PARD3B: variants seen among roughly 807,000 people sequenced by gnomAD.
The protein encoded by PARD3B is partitioning defective 3 homolog B.
Under a neutral mutation model 130.2 loss-of-function variants are expected in PARD3B, and 103 were observed. The observed-to-expected ratio is 0.79, with a 90% CI of 0.67 to 0.93. PARD3B has a LOEUF of 0.93. PARD3B is among the 40% of genes least tolerant of loss of function. PARD3B has a pLI of 0.00. For missense variants in PARD3B, 1,609 were observed against 1,499.2 expected, an observed-to-expected ratio of 1.07 and a Z score of -1.21; for synonymous variants, 583 against 553.2, an observed-to-expected ratio of 1.05 and a Z score of -0.76.
At chr2:204,603,213 C>CT (rs1490222925) in intron 1 of PARD3B, among the ~76,000 whole-genome samples, 1 of 152,084 alleles carries the variant, frequency 6.6e-6, no homozygotes, top group Non-Finnish European at 1.5e-5. Context: ...TCTTTTATGC[C>CT]TTTTTTACTC....
intron 3 of PARD3B, among the ~76,000 whole-genome samples, chr2:204,970,644 C>T (rs890421265): frequency 1.3e-5 from 2 of 152,034 alleles, no homozygotes; most frequent in African/African-American, 4.8e-5. Context: ...TTCAGTACTT[C>T]TTGATTGAAA....
intron 3 of PARD3B, among the ~76,000 whole-genome samples, chr2:205,018,817 T>G (rs1335082890): frequency 6.7e-6 from 1 of 150,000 alleles, no homozygotes; most frequent in Non-Finnish European, 1.5e-5. Context: ...AATATTTGCT[T>G]GGCCCAATGA....
At chr2:205,372,777 C>G (rs971674388) in intron 18 of PARD3B, among the ~76,000 whole-genome samples, 1 of 152,052 alleles carries the variant, frequency 6.6e-6, no homozygotes, top group Non-Finnish European at 1.5e-5. Context: ...TCCAGTAGTT[C>G]GAGAGCAGCC....
intron 10 of PARD3B, among the ~76,000 whole-genome samples, chr2:205,136,579 G>A (rs1261525511): frequency 1.3e-5 from 2 of 152,172 alleles, no homozygotes; most frequent in Non-Finnish European, 2.9e-5. Flanking sequence ...TGACTTGAAA[G>A]AGCTGGCTTT....
At chr2:205,092,448 A>C (rs1575758898) in intron 4 of PARD3B, among the ~76,000 whole-genome samples, 1 of 152,260 alleles carries the variant, frequency 6.6e-6, no homozygotes, top group East Asian at 1.9e-4. Flanking sequence ...TACTTAAGGA[A>C]GTTCTTGAGC....
At chr2:205,126,208 G>C (rs921190174) in intron 10 of PARD3B, among the ~76,000 whole-genome samples, 3 of 152,272 alleles carry the variant, frequency 2.0e-5, no homozygotes, top group African/African-American at 7.2e-5. Context: ...ACCTATTCTT[G>C]AGGGCTGGGA....
At chr2:205,052,362 C>T (rs1366341677) in intron 4 of PARD3B, among the ~76,000 whole-genome samples, 1 of 148,074 alleles carries the variant, frequency 6.8e-6, no homozygotes. Flanking sequence ...ACTTGTCTTA[C>T]ATCACCAAAA....
At position 204,580,011 on chromosome 2, in the gene PARD3B, C is replaced by T. The variant is rs545401478; in HGVS notation, c.120+33892C>T. On this transcript the variant is annotated intron_variant, in intron 1 of 22. Transcript: ENST00000406610. ...TGTTACAGTGATGTGTGTAATTTGACCTACTGTTCAAAAAGAATTCATTTC... is the reference window on the plus strand; with the variant it reads ...TGTTACAGTGATGTGTGTAATTTGATCTACTGTTCAAAAAGAATTCATTTC... Among the ~76,000 whole-genome samples the T allele has an allele frequency of 9.1e-4, 139 of 152,282 alleles. 1 individual carries two copies. The highest frequency in any genetic ancestry group is 2.9e-3 in the African/African-American group (121 of 41,560).
At chr2:205,066,726 A>G (rs565854483) in intron 4 of PARD3B, among the ~76,000 whole-genome samples, 4 of 152,278 alleles carry the variant, frequency 2.6e-5, no homozygotes, top group African/African-American at 9.6e-5. Context: ...GTAATGAGGA[A>G]ACATGTTTTT....
intron 2 of PARD3B, among the ~76,000 whole-genome samples, chr2:204,871,892 T>C (rs2045643216): frequency 6.6e-6 from 1 of 152,088 alleles, no homozygotes; most frequent in South Asian, 2.1e-4. Flanking sequence ...AGCTTTCTTG[T>C]CCCTTTATTC....
chr2:204,880,657 C>CAAAAAAAAAA (rs746023895), intron 2 of PARD3B, among the ~76,000 whole-genome samples: 5 of 55,444 alleles, frequency 9.0e-5, no homozygotes, highest in African/African-American at 2.2e-4. Context: ...GACTCCATCT[C>CAAAAAAAAAA]AAAAAAAAAA....
At chr2:205,408,624 A>G (rs539891217) in intron 19 of PARD3B, among the ~76,000 whole-genome samples, 1 of 152,302 alleles carries the variant, frequency 6.6e-6, no homozygotes, top group East Asian at 1.9e-4. Context: ...TGTACACTCA[A>G]AAAAGGATGT....
chr2:204,586,470 T>C (rs2032829449), intron 1 of PARD3B, among the ~76,000 whole-genome samples: 1 of 152,234 alleles, frequency 6.6e-6, no homozygotes, highest in Non-Finnish European at 1.5e-5. Flanking sequence ...AGATTAAATG[T>C]TGCCGAAGGC....
intron 19 of PARD3B, among the ~76,000 whole-genome samples, chr2:205,429,837 G>A (rs2047268756): frequency 6.6e-6 from 1 of 152,150 alleles, no homozygotes; most frequent in Non-Finnish European, 1.5e-5. Context: ...CAGCAGAGTT[G>A]CTTCTTTCCA....
chr2:204,851,441 G>T (rs770230078), intron 2 of PARD3B, among the ~76,000 whole-genome samples: 1 of 152,172 alleles, frequency 6.6e-6, no homozygotes, highest in Non-Finnish European at 1.5e-5. Flanking sequence ...TAATCAGCTT[G>T]TTGTCAGAGT....
chr2:204,621,128 A>G (rs1236731413), intron 1 of PARD3B, among the ~76,000 whole-genome samples: 3 of 152,234 alleles, frequency 2.0e-5, no homozygotes, highest in Admixed American at 6.5e-5. Context: ...TTCAATAAAC[A>G]TCTTAGTAGA....
chr2:205,179,032 A>T (rs2125769621), intron 13 of PARD3B, among the ~76,000 whole-genome samples: 1 of 152,302 alleles, frequency 6.6e-6, no homozygotes, highest in Admixed American at 6.5e-5. Context: ...TTCCAGTGGG[A>T]TAAGATATGA....
chr2:204,735,188 A>C (rs1366668877), intron 2 of PARD3B, among the ~76,000 whole-genome samples: 2 of 152,016 alleles, frequency 1.3e-5, no homozygotes, highest in Non-Finnish European at 2.9e-5. Context: ...TTAATTGGAT[A>C]AAGTGCACCT....
At chr2:204,988,129 G>A (rs1693335647) in intron 3 of PARD3B, among the ~76,000 whole-genome samples, 1 of 152,112 alleles carries the variant, frequency 6.6e-6, no homozygotes, top group African/African-American at 2.4e-5. Context: ...GAGACAAAAA[G>A]GAGATGAAGT....
Sources: gnomAD v4.1 joint callset for allele counts (sites outside exome capture counted in the v4.1 genomes callset) on GRCh38, gnomAD v4.1.1 for gene constraint, MANE v1.5 for transcripts, NCBI Gene and HGNC (gene_info 2026-07-23, HGNC 2026-07-21) for gene names.